The following ZSWIM6 variants were observed in gnomAD, a reference collection of about 807,000 sequenced individuals.
ZSWIM6 encodes the protein zinc finger SWIM-type containing 6, also known as zinc finger SWIM domain-containing protein 6.
In ZSWIM6, 9 loss-of-function variants were observed where a neutral mutation model predicts 113.2. The observed-to-expected ratio is 0.08, with a 90% CI of 0.05 to 0.14. The LOEUF (loss-of-function observed/expected upper bound fraction) is 0.14, where lower values mean the gene tolerates loss of function less well. Ranked by LOEUF, ZSWIM6 falls within the 10% of genes least tolerant of loss-of-function variation. The probability of loss-of-function intolerance (pLI) is 1.00; values close to 1 mark genes in which losing one functional copy is unlikely to be tolerated. For synonymous variants in ZSWIM6, 611 were observed against 606.5 expected (o/e 1.01, Z -0.11); for missense variants, 1,162 against 1,552.2 (o/e 0.75, Z 4.22).
At chr5:61,402,423 T>C (rs1745956466) in intron 1 of ZSWIM6, among the ~76,000 whole-genome samples, 1 of 152,228 alleles carries the variant, frequency 6.6e-6, no homozygotes, top group Non-Finnish European at 1.5e-5. Context: ...GGAATTCTAC[T>C]TTAACTAGAT....
chr5:61,457,516 CTTTT>C (rs955019632), intron 1 of ZSWIM6, among the ~76,000 whole-genome samples: 1 of 151,240 alleles, frequency 6.6e-6, no homozygotes, highest in African/African-American at 2.4e-5. Context: ...GCCCCTCTAT[CTTTT>C]TTTTTATTTT....
chr5:61,478,720 TGTG>T (rs1747774712), intron 2 of ZSWIM6, among the ~76,000 whole-genome samples: 1 of 151,938 alleles, frequency 6.6e-6, no homozygotes, highest in Non-Finnish European at 1.5e-5. Context: ...TGTGTGTGTG[TGTG>T]TGTGTGAATT....
At chr5:61,530,863 C>T (rs569092885) in intron 8 of ZSWIM6, among the ~76,000 whole-genome samples, 28 of 152,112 alleles carry the variant, frequency 1.8e-4, no homozygotes, top group Non-Finnish European at 1.5e-5. Flanking sequence ...CTGTGGGTAA[C>T]CCAGACACTG....
At chr5:61,428,210 A>G (rs1746502905) in intron 1 of ZSWIM6, among the ~76,000 whole-genome samples, 1 of 152,196 alleles carries the variant, frequency 6.6e-6, no homozygotes, top group African/African-American at 2.4e-5. Context: ...GTTTTGACTT[A>G]AAGTTAAGGA....
At chr5:61,467,856 C>T (rs1457096688) in intron 1 of ZSWIM6, among the ~76,000 whole-genome samples, 3 of 152,142 alleles carry the variant, frequency 2.0e-5, no homozygotes, top group Non-Finnish European at 4.4e-5. Flanking sequence ...TTGTCTGACT[C>T]ACTTAACTGA....
chr5:61,454,976 C>T (rs970237371), intron 1 of ZSWIM6, among the ~76,000 whole-genome samples: 1 of 151,594 alleles, frequency 6.6e-6, no homozygotes, highest in Non-Finnish European at 1.5e-5. Context: ...TAGAATCAGG[C>T]ATTCCTTTAA....
At chr5:61,428,467 A>G (rs1746508555) in intron 1 of ZSWIM6, among the ~76,000 whole-genome samples, 1 of 152,046 alleles carries the variant, frequency 6.6e-6, no homozygotes, top group Admixed American at 6.6e-5. Flanking sequence ...GGCTCAGGTG[A>G]TTCTCCTGCA....
intron 10 of ZSWIM6, among the ~76,000 whole-genome samples, chr5:61,536,304 C>T (rs2112284638): frequency 6.6e-6 from 1 of 152,288 alleles, no homozygotes; most frequent in Admixed American, 6.5e-5. Flanking sequence ...TTATTTTTAT[C>T]ACAGATTTGT....
At chr5:61,437,566 T>C (rs1746736196) in intron 1 of ZSWIM6, among the ~76,000 whole-genome samples, 7 of 151,666 alleles carry the variant, frequency 4.6e-5, no homozygotes, top group Admixed American at 4.6e-4. Flanking sequence ...CTATAAAAAA[T>C]ACAAAAATTA....
intron 2 of ZSWIM6, among the ~76,000 whole-genome samples, chr5:61,482,982 C>T (rs1278051075): frequency 2.7e-5 from 4 of 150,912 alleles, no homozygotes; most frequent in African/African-American, 9.7e-5. Flanking sequence ...ACTAGCTTAC[C>T]CCAAAAAAAT....
At chr5:61,383,417 G>A (rs889506527) in intron 1 of ZSWIM6, among the ~76,000 whole-genome samples, 2 of 152,110 alleles carry the variant, frequency 1.3e-5, no homozygotes, top group Non-Finnish European at 2.9e-5. Flanking sequence ...AGCAGCTGGC[G>A]GTAGTCATAA....
intron 1 of ZSWIM6, among the ~76,000 whole-genome samples, chr5:61,403,018 C>G (rs1007435979): frequency 5.9e-5 from 9 of 152,204 alleles, no homozygotes; most frequent in African/African-American, 2.2e-4. Flanking sequence ...GTATCTAACT[C>G]TGGATCTCAT....
Position 61,525,825 on chromosome 5 carries a change from A to C in ZSWIM6, c.1539A>C (p.Thr513=). The C allele has an allele frequency of 6.4e-7, 1 of 1,551,768 alleles. No individual in the cohort carries two copies. Residue 513 remains threonine (T), a synonymous_variant, in exon 6 of 14, where the codon ACA becomes ACC. Transcript: ENST00000252744. ...NQDSSNRPHR[T]VFTRAIEACD... is the part of the protein sequence containing the mutation. ...ATTCATCGAACAGGCCACATCGGAC[A>C]GTGTTCACCCGAGCCATCGAGGCAT... is the stretch of plus-strand genomic sequence containing the variant.
chr5:61,545,336 AG>A lies in ZSWIM6; in HGVS notation c.*1021del, dbSNP rs1749858352. The A allele has an allele frequency of 1.3e-5, 2 of 152,148 alleles. 1 individual carries two copies. The highest frequency in any genetic ancestry group is 4.2e-4 in the South Asian group (2 of 4,816). The allele number at this position is 152,148 out of a possible 1,614,324, so 9.4% of individuals were successfully genotyped here. A position where few individuals can be genotyped will look rare whatever the true frequency, so the allele number is the denominator to read the frequency against. ...CCACTACACCACACATGCTTATAAC[AG>A]GCACTAGAATAAAGAGGGACAACAA... On this transcript the variant is annotated 3_prime_UTR_variant, in exon 14 of 14. Coordinates refer to ENST00000252744, the MANE Select transcript of ZSWIM6 (RefSeq NM_020928.2).
At chr5:61,413,321 T>C (rs1219802493) in intron 1 of ZSWIM6, among the ~76,000 whole-genome samples, 5 of 151,882 alleles carry the variant, frequency 3.3e-5, no homozygotes, top group African/African-American at 1.2e-4. Flanking sequence ...TGATTTCCAA[T>C]TTCATCCATG....
At chr5:61,417,373 C>T (rs925172079) in intron 1 of ZSWIM6, among the ~76,000 whole-genome samples, 1 of 152,142 alleles carries the variant, frequency 6.6e-6, no homozygotes, top group Non-Finnish European at 1.5e-5. Context: ...TATTCAAGTT[C>T]AGTTTCAAAG....
At chr5:61,371,058 G>C (rs1289958293) in intron 1 of ZSWIM6, among the ~76,000 whole-genome samples, 1 of 152,220 alleles carries the variant, frequency 6.6e-6, no homozygotes, top group East Asian at 1.9e-4. Context: ...CTGCACCTGG[G>C]CTCTGCCCCA....
intron 1 of ZSWIM6, among the ~76,000 whole-genome samples, chr5:61,424,230 G>A (rs1168249428): frequency 6.6e-6 from 1 of 152,218 alleles, no homozygotes; most frequent in Non-Finnish European, 1.5e-5. Flanking sequence ...AAAAGGAACT[G>A]CCTAAGTGTT....
intron 2 of ZSWIM6, among the ~76,000 whole-genome samples, chr5:61,475,836 C>T (rs146997865): frequency 2.0e-3 from 309 of 152,248 alleles, no homozygotes; most frequent in African/African-American, 7.1e-3. Context: ...ATGATCCCAC[C>T]TGCCTATAAA....
Sources: allele counts gnomAD v4.1 joint callset (sites outside exome capture counted in the v4.1 genomes callset), GRCh38; gene constraint gnomAD v4.1.1; transcripts MANE v1.5; gene names NCBI Gene and HGNC (gene_info 2026-07-23, HGNC 2026-07-21).